Variants in EYA1 observed in about 807,000 individuals in gnomAD.
EYA1 encodes EYA transcriptional coactivator and phosphatase 1.
Under a neutral mutation model 82.0 loss-of-function variants are expected in EYA1, and 16 were observed. The observed-to-expected ratio is 0.20, with a 90% CI of 0.13 to 0.30. The LOEUF is 0.30. Ranked by LOEUF, EYA1 falls within the 10% of genes least tolerant of loss-of-function variation. The pLI is 1.00. For missense variants in EYA1, 633 were observed against 730.7 expected (o/e 0.87, Z 1.54); for synonymous variants, 261 against 264.4 (o/e 0.99, Z 0.12).
At chr8:71,472,786 A>AAT (rs1554592226) in intron 2 of EYA1, among the ~76,000 whole-genome samples, 11 of 82,512 alleles carry the variant, frequency 1.3e-4, no homozygotes, top group Non-Finnish European at 2.8e-4. Context: ...TGTAGCTTTG[A>AAT]AGATATATAT....
At chr8:71,309,846 T>C (rs577526944) in intron 7 of EYA1, among the ~76,000 whole-genome samples, 1 of 152,328 alleles carries the variant, frequency 6.6e-6, no homozygotes, top group South Asian at 2.1e-4. Context: ...CCCTGATTTA[T>C]TGTCTTTCCT....
intron 2 of EYA1, among the ~76,000 whole-genome samples, chr8:71,475,693 G>A (rs781410696): frequency 1.3e-5 from 2 of 152,094 alleles, no homozygotes; most frequent in Non-Finnish European, 2.9e-5. Flanking sequence ...ATGGCCATTA[G>A]ATTCCTCTTT....
intron 2 of EYA1, among the ~76,000 whole-genome samples, chr8:71,523,888 AG>A (rs1813627904): frequency 6.6e-6 from 1 of 152,198 alleles, no homozygotes; most frequent in Admixed American, 6.5e-5. Flanking sequence ...CATTTTTTTA[AG>A]GCTAGATAAA....
At chr8:71,501,657 C>T (rs768546281) in intron 2 of EYA1, among the ~76,000 whole-genome samples, 1 of 152,162 alleles carries the variant, frequency 6.6e-6, no homozygotes, top group Non-Finnish European at 1.5e-5. Flanking sequence ...GTAGAAGGAG[C>T]GTTCGCCTCT....
rs926244462 is a variant in EYA1, at chr8:71,453,643, A to G, written c.33+82101T>C. 3.9e-5 allele frequency among the ~76,000 whole-genome samples: 6 copies of G among 152,334 alleles called. No homozygotes were observed. The East Asian group carries it at 1.2e-3, about 29-fold the overall frequency. ...ACATTCTTAAACAAAAGAATTTTCA[A>G]CCCAGAATTTCATATCCAGCCAAAC... On this transcript the variant is annotated intron_variant, in intron 2 of 18. Coordinates refer to the EYA1 transcript ENST00000643681.
At chr8:71,207,429 G>GATTATTAGAAATCGAGATATTGTGA (rs1807939099) in intron 17 of EYA1, among the ~76,000 whole-genome samples, 1 of 152,170 alleles carries the variant, frequency 6.6e-6, no homozygotes, top group Non-Finnish European at 1.5e-5. Context: ...TCTTTTGCAA[G>GATTATTAGAAATCGAGATATTGTGA]ATTATTAGAA....
chr8:71,301,355 G>A (rs1820180665), intron 7 of EYA1, among the ~76,000 whole-genome samples: 1 of 152,098 alleles, frequency 6.6e-6, no homozygotes, highest in African/African-American at 2.4e-5. Context: ...GTAATGTTTT[G>A]GAAAGCATAA....
At chr8:71,492,324 A>ATAATAAC in intron 2 of EYA1, among the ~76,000 whole-genome samples, 1 of 152,212 alleles carries the variant, frequency 6.6e-6, no homozygotes, top group Non-Finnish European at 1.5e-5. Context: ...ATCTTAACAG[A>ATAATAAC]TAATAACAAA....
chr8:71,495,914 G>C (rs1457419480), intron 2 of EYA1, among the ~76,000 whole-genome samples: 1 of 152,164 alleles, frequency 6.6e-6, no homozygotes, highest in Admixed American at 6.5e-5. Context: ...AACCCCACGA[G>C]CAGTGTGGAT....
At chr8:71,485,575 T>TA (rs71555583) in intron 2 of EYA1, among the ~76,000 whole-genome samples, 11,456 of 149,402 alleles carry the variant, frequency 0.077, 476 homozygotes, top group South Asian at 0.12. Context: ...GTAAACCATT[T>TA]AAAAAAAAAA....
At chr8:71,307,832 C>T (rs566207032) in intron 7 of EYA1, among the ~76,000 whole-genome samples, 3 of 152,286 alleles carry the variant, frequency 2.0e-5, no homozygotes, top group East Asian at 1.9e-4. Flanking sequence ...AGAACACTGA[C>T]GCATGGTCCA....
chr8:71,465,811 T>G (rs562095603), intron 2 of EYA1, among the ~76,000 whole-genome samples: 1 of 152,282 alleles, frequency 6.6e-6, no homozygotes, highest in South Asian at 2.1e-4. Context: ...TTGTGAAAAG[T>G]TTTTTGAAAT....
intron 2 of EYA1, among the ~76,000 whole-genome samples, chr8:71,491,106 T>C (rs1810962297): frequency 6.6e-6 from 1 of 152,204 alleles, no homozygotes; most frequent in African/African-American, 2.4e-5. Context: ...CTCTTCATTT[T>C]ATAGAGAATA....
chr8:71,451,267 G>A (rs1289840925), intron 2 of EYA1, among the ~76,000 whole-genome samples: 3 of 152,084 alleles, frequency 2.0e-5, no homozygotes, highest in African/African-American at 7.2e-5. Flanking sequence ...ACAGCAATAA[G>A]TATAGAAAAA....
At chr8:71,288,776 C>T (rs1262951806) in intron 9 of EYA1, among the ~76,000 whole-genome samples, 1 of 152,106 alleles carries the variant, frequency 6.6e-6, no homozygotes, top group East Asian at 1.9e-4. Flanking sequence ...TGAAATACTG[C>T]ACAAATATAA....
In EYA1 at chr8:71,199,463, C is replaced by A. The variant is rs377448924; in HGVS notation, c.1699-43G>T. The A allele has an allele frequency of 3.4e-6, 5 of 1,466,220 alleles. No homozygotes were observed. The African/African-American group carries it at 7.0e-5, about 20-fold the overall frequency. The allele number at this position is 1,466,220 out of a possible 1,614,324, so 90.8% of individuals were successfully genotyped here. A position where few individuals can be genotyped will look rare whatever the true frequency, so the allele number is the denominator to read the frequency against. On this transcript the variant is annotated intron_variant, in intron 17 of 17. Coordinates refer to ENST00000340726, the MANE Select transcript of EYA1 (RefSeq NM_000503.6). ...ATACATGTGAGGACAGAGCACCCAG[C>A]GCCAGCCCTGCCAGCTTTTTTGGAA...
intron 2 of EYA1, among the ~76,000 whole-genome samples, chr8:71,522,342 T>C (rs1024334118): frequency 2.0e-5 from 3 of 152,200 alleles, no homozygotes; most frequent in African/African-American, 4.8e-5. Flanking sequence ...TTATTTTCTA[T>C]GCAGGAGTCT....
chr8:71,458,070 T>C (rs1808090707), intron 2 of EYA1, among the ~76,000 whole-genome samples: 1 of 152,166 alleles, frequency 6.6e-6, no homozygotes, highest in Non-Finnish European at 1.5e-5. Flanking sequence ...TGTTTGAATA[T>C]CTTTATATTT....
intron 2 of EYA1, among the ~76,000 whole-genome samples, chr8:71,394,948 T>C (rs1039292321): frequency 1.3e-5 from 2 of 152,230 alleles, no homozygotes. Flanking sequence ...TCCATTTGTT[T>C]GTATCCTCTT....
Sources: gnomAD v4.1 joint callset for allele counts (sites outside exome capture counted in the v4.1 genomes callset) on GRCh38, gnomAD v4.1.1 for gene constraint, MANE v1.5 for transcripts, NCBI Gene and HGNC (gene_info 2026-07-23, HGNC 2026-07-21) for gene names.